The following LPP variants were observed in gnomAD, a reference collection of about 807,000 sequenced individuals.
LPP encodes LIM domain containing preferred translocation partner in lipoma.
Under a neutral mutation model 60.4 loss-of-function variants are expected in LPP, and 38 were observed. The observed-to-expected ratio is 0.63, with a 90% CI of 0.49 to 0.83. LPP has a LOEUF of 0.83. Ranked by LOEUF, LPP falls within the 40% of genes least tolerant of loss-of-function variation. The pLI is 0.00. For synonymous variants in LPP, 328 were observed against 290.8 expected (o/e 1.13, Z -1.30); for missense variants, 902 against 783.6 (o/e 1.15, Z -1.80).
chr3:188,328,736 C>A (rs1759146962), intron 2 of LPP, among the ~76,000 whole-genome samples: 2 of 152,194 alleles, frequency 1.3e-5, no homozygotes, highest in South Asian at 4.1e-4. Context: ...GCAGGTGTTT[C>A]ATGGTACTTC....
Position 188,708,349 on chromosome 3 carries a change from A to T in LPP, c.1196A>T (p.Lys399Met), listed in dbSNP as rs1267094133. The stretch of plus-strand genomic sequence containing the variant: ...GATGAGCTTGAGCACCTGACCAAAA[A>T]GATGCTGTATGACATGGAAAATCCA... ...PEDELEHLTK[K>M]MLYDMENPPA... Residue 399 changes from lysine (K) to methionine (M), a missense_variant, in exon 8 of 12, where the codon AAG becomes ATG. Transcript: ENST00000617246. The T allele has an allele frequency of 2.5e-6, 4 of 1,614,076 alleles. No individual in the cohort carries two copies. The African/African-American group carries it at 5.3e-5, about 22-fold the overall frequency.
At chr3:188,791,312 T>C (rs1388224828) in intron 9 of LPP, among the ~76,000 whole-genome samples, 1 of 152,202 alleles carries the variant, frequency 6.6e-6, no homozygotes, top group Non-Finnish European at 1.5e-5. Flanking sequence ...AAGTGAATGG[T>C]CTTTGTGAAT....
chr3:188,170,522 G>A (rs575305996), intron 1 of LPP, among the ~76,000 whole-genome samples: 1 of 151,626 alleles, frequency 6.6e-6, no homozygotes, highest in Non-Finnish European at 1.5e-5. Context: ...TAGTAGAGAT[G>A]GGGTTTCACC....
chr3:188,715,376 C>CAAAAAAAAA (rs35761284), intron 8 of LPP, among the ~76,000 whole-genome samples: 9 of 63,682 alleles, frequency 1.4e-4, no homozygotes, highest in East Asian at 1.2e-3. Flanking sequence ...GACTCCGTCT[C>CAAAAAAAAA]AAAAAAAAAA....
intron 3 of LPP, among the ~76,000 whole-genome samples, chr3:188,384,789 CAAAAAAAAAAAAAAAAA>C (rs561284077): frequency 3.9e-5 from 2 of 51,452 alleles, no homozygotes; most frequent in African/African-American, 1.6e-4. Context: ...GACTCTGTCT[CAAAAAAAAAAAAAAAAA>C]AAAAAAAAAA....
chr3:188,808,494 C>G (rs903923178), intron 9 of LPP, among the ~76,000 whole-genome samples: 1 of 151,942 alleles, frequency 6.6e-6, no homozygotes, highest in Non-Finnish European at 1.5e-5. Flanking sequence ...TCACTGGTGC[C>G]CTAAGAGCCA....
chr3:188,562,044 CGCACACACAG>C (rs367752292), intron 6 of LPP, among the ~76,000 whole-genome samples: 506 of 129,656 alleles, frequency 3.9e-3, no homozygotes, highest in African/African-American at 0.013. Context: ...TTTATAATCA[CGCACACACAG>C]ACACACACAG....
intron 2 of LPP, among the ~76,000 whole-genome samples, chr3:188,252,075 T>TACACACACAC (rs1187257468): frequency 5.5e-4 from 32 of 58,482 alleles, no homozygotes; most frequent in Admixed American, 2.0e-3. Flanking sequence ...TATATATATA[T>TACACACACAC]ACACACACAC....
chr3:188,869,787 T>C (rs1767616681), intron 10 of LPP, among the ~76,000 whole-genome samples: 1 of 152,222 alleles, frequency 6.6e-6, no homozygotes, highest in African/African-American at 2.4e-5. Context: ...AACTTGTTAA[T>C]GGACCATCCT....
intron 6 of LPP, among the ~76,000 whole-genome samples, chr3:188,533,059 T>TA (rs1470927759): frequency 6.6e-6 from 1 of 152,158 alleles, no homozygotes; most frequent in Non-Finnish European, 1.5e-5. Flanking sequence ...CATAGAGCAA[T>TA]AATGTATGAG....
chr3:188,264,792 G>C (rs1193957556), intron 2 of LPP, among the ~76,000 whole-genome samples: 3 of 151,712 alleles, frequency 2.0e-5, no homozygotes, highest in African/African-American at 7.3e-5. Context: ...CTCTCTCTGT[G>C]TGTGTCTCTC....
chr3:188,733,660 C>CTT (rs1241483089), intron 8 of LPP, among the ~76,000 whole-genome samples: 7 of 152,122 alleles, frequency 4.6e-5, no homozygotes, highest in Non-Finnish European at 1.0e-4. Context: ...AAAGGAAACT[C>CTT]TTGACTTTGC....
At position 188,866,376 on chromosome 3, in the gene LPP, C is replaced by G. The variant is rs1344229415; in HGVS notation, c.1587C>G (p.His529Gln). 6 of 1,462,828 alleles carry G rather than the reference C, an allele frequency of 4.1e-6. No individual in the cohort carries two copies. The highest frequency in any genetic ancestry group is 5.5e-6 in the Non-Finnish European group (6 of 1,095,706). 90.6% of individuals were successfully genotyped at this position (1,462,828 alleles called of 1,614,324 possible). ...GGLIHCIEDF[H>Q]KKFAPRCSVC... is the part of the protein sequence containing the mutation. ...TCATTCACTGCATTGAGGACTTCCACAAGTAGGCAACCTACTCTCTCGTCA... is the reference window on the plus strand; with the variant it reads ...TCATTCACTGCATTGAGGACTTCCAGAAGTAGGCAACCTACTCTCTCGTCA... The change falls in exon 10 of 12, where the codon CAC (histidine) becomes CAG (glutamine). Residue 529 changes from histidine (H) to glutamine (Q), a missense_variant and splice_region_variant. Coordinates refer to ENST00000617246, the MANE Select transcript of LPP (RefSeq NM_001375462.1).
chr3:188,832,051 C>G (rs1279064784), intron 9 of LPP, among the ~76,000 whole-genome samples: 2 of 152,144 alleles, frequency 1.3e-5, no homozygotes, highest in African/African-American at 4.8e-5. Context: ...AGGACAGGCT[C>G]TAGGGTGACT....
intron 6 of LPP, among the ~76,000 whole-genome samples, chr3:188,590,847 G>A (rs1838543890): frequency 6.6e-6 from 1 of 152,150 alleles, no homozygotes; most frequent in Non-Finnish European, 1.5e-5. Context: ...CTTCAATTAT[G>A]AGGTTCAGCA....
At chr3:188,741,273 G>A (rs138900592) in intron 8 of LPP, among the ~76,000 whole-genome samples, 27 of 151,684 alleles carry the variant, frequency 1.8e-4, no homozygotes, top group African/African-American at 6.3e-4. Context: ...TGTAATTTAA[G>A]TTTTAAACTT....
intron 1 of LPP, among the ~76,000 whole-genome samples, chr3:188,181,538 TCTC>T (rs1413291641): frequency 6.6e-6 from 1 of 152,154 alleles, no homozygotes; most frequent in African/African-American, 2.4e-5. Flanking sequence ...ATGGTCTCTG[TCTC>T]CTCCTCCTCT....
At chr3:188,825,866 G>T (rs1370216393) in intron 9 of LPP, among the ~76,000 whole-genome samples, 2 of 152,114 alleles carry the variant, frequency 1.3e-5, no homozygotes, top group African/African-American at 4.8e-5. Context: ...GAGATGTCCT[G>T]TTCCCATGCT....
chr3:188,755,602 G>C (rs1184052509), intron 8 of LPP, among the ~76,000 whole-genome samples: 1 of 151,976 alleles, frequency 6.6e-6, no homozygotes, highest in Non-Finnish European at 1.5e-5. Flanking sequence ...CCAGGAGCTT[G>C]AGACCAGCCT....
Sources: gnomAD v4.1 joint callset for allele counts (sites outside exome capture counted in the v4.1 genomes callset) on GRCh38, gnomAD v4.1.1 for gene constraint, MANE v1.5 for transcripts, NCBI Gene and HGNC (gene_info 2026-07-23, HGNC 2026-07-21) for gene names.